Variants in VAV2 observed in about 807,000 individuals in gnomAD.
The protein encoded by VAV2 is vav guanine nucleotide exchange factor 2, also known as guanine nucleotide exchange factor VAV2.
VAV2 carries 67 observed loss-of-function variants against 132.5 expected under a neutral mutation model. The observed-to-expected ratio is 0.51, with a 90% CI of 0.42 to 0.62. The LOEUF is 0.62. Among genes scored for constraint, VAV2 ranks in the 20% least tolerant of loss-of-function variants. The pLI, the probability that VAV2 is intolerant of heterozygous loss-of-function variation, is 0.00. For synonymous variants in VAV2, 492 were observed against 443.5 expected (o/e 1.11, Z -1.37); for missense variants, 938 against 1,153.6 (o/e 0.81, Z 2.71).
rs558775800 is a variant in VAV2 at position 133,788,555 on chromosome 9, G to A, written c.1275-69C>T. On this transcript the variant is annotated intron_variant, in intron 14 of 29. Coordinates refer to ENST00000371850, the MANE Select transcript of VAV2 (RefSeq NM_001134398.2). The surrounding 1 kb of genome is among the most constrained non-coding windows in gnomAD (Gnocchi z 5.3). ...GTGCTCTGCTCCGAGGAGGCGGCAG[G>A]AGCTGAGCCTGAGGCTCTGGCACGC... 1.9e-4 allele frequency: 298 copies of A among 1,563,792 alleles called. 1 individual carries two copies. In the Middle Eastern group the frequency reaches 5.8e-3, roughly 30 times the overall value.
chr9:133,979,211 C>T (rs1179537186), intron 1 of VAV2, among the ~76,000 whole-genome samples: 2 of 152,198 alleles, frequency 1.3e-5, no homozygotes, highest in African/African-American at 4.8e-5. Context: ...TGCCAGGCAC[C>T]GGGCTGACAG....
At chr9:133,915,036 T>C (rs1259450274) in intron 2 of VAV2, among the ~76,000 whole-genome samples, 1 of 152,040 alleles carries the variant, frequency 6.6e-6, no homozygotes, top group East Asian at 1.9e-4. Flanking sequence ...GGGTGCTGTG[T>C]CTGGGAATCT....
intron 2 of VAV2, among the ~76,000 whole-genome samples, chr9:133,897,300 G>A (rs1249372376): frequency 1.3e-5 from 2 of 152,168 alleles, no homozygotes; most frequent in Non-Finnish European, 2.9e-5. Flanking sequence ...CCAGGCGGGT[G>A]CCAGCCTCAG....
At chr9:133,874,608 G>C (rs774148608) in intron 2 of VAV2, among the ~76,000 whole-genome samples, 7 of 152,134 alleles carry the variant, frequency 4.6e-5, no homozygotes, top group Non-Finnish European at 7.4e-5. Flanking sequence ...GGGGTTATGG[G>C]AACAGCACCT....
rs74690966 is a variant in VAV2, at chr9:133,884,390, G to A, written c.322-22958C>T. 7.2e-3 allele frequency among the ~76,000 whole-genome samples: 1,099 copies of A among 152,290 alleles called. 15 individuals are homozygous for A. The highest frequency in any genetic ancestry group is 0.025 in the African/African-American group (1,040 of 41,560). On this transcript the variant is annotated intron_variant, in intron 2 of 29. Coordinates refer to ENST00000371850, the MANE Select transcript of VAV2 (RefSeq NM_001134398.2). The surrounding 1 kb of genome is among the most constrained non-coding windows in gnomAD (Gnocchi z 5.3). ...TCATCAAAGCAGTGCTTCCTTAGGC[G>A]CTTGGGTGCTCACTGCAGTGGGCTG...
intron 9 of VAV2, among the ~76,000 whole-genome samples, chr9:133,798,035 C>T (rs1245083656): frequency 6.6e-6 from 1 of 152,156 alleles, no homozygotes; most frequent in Non-Finnish European, 1.5e-5. Context: ...GAGGGGGTGC[C>T]CCTGCTCTTC....
At chr9:133,812,083 G>A in intron 5 of VAV2, 31 bp downstream of exon 5, 1 of 1,604,842 alleles carries the variant, frequency 6.2e-7, no homozygotes, top group Non-Finnish European at 8.5e-7. Context: ...GGAAGGGAGG[G>A]GAAGGGAGGG....
chr9:133,905,001 G>A (rs1265240495), intron 2 of VAV2, among the ~76,000 whole-genome samples: 1 of 152,234 alleles, frequency 6.6e-6, no homozygotes, highest in African/African-American at 2.4e-5. Context: ...GGGAGAGGGT[G>A]CATCTTGTGG....
chr9:133,900,883 C>T (rs1839414943), intron 2 of VAV2, among the ~76,000 whole-genome samples: 1 of 151,944 alleles, frequency 6.6e-6, no homozygotes. Flanking sequence ...ACTGCAACCT[C>T]CGCCTCCCGG....
In VAV2 at chr9:133,883,496, G is replaced by A. The variant is rs1838581202; in HGVS notation, c.322-22064C>T. On this transcript the variant is annotated intron_variant, in intron 2 of 29. Transcript: ENST00000371850. The surrounding 1 kb of genome is among the most constrained non-coding windows in gnomAD (Gnocchi z 4.2). ...GTCGGAACATGTTGAAACAATGAGG[G>A]GATAGAACAACCACTCACCCTGCAG... Among the ~76,000 whole-genome samples, 1 of 151,900 alleles carries A rather than the reference G, an allele frequency of 6.6e-6. No individual in the cohort carries two copies. The highest frequency in any genetic ancestry group is 2.1e-4 in the South Asian group (1 of 4,816).
intron 2 of VAV2, among the ~76,000 whole-genome samples, chr9:133,937,078 A>AT (rs1255228859): frequency 6.6e-6 from 1 of 152,242 alleles, no homozygotes; most frequent in Non-Finnish European, 1.5e-5. Flanking sequence ...TTATATACTG[A>AT]ATACGCTGCA....
At chr9:133,828,647 C>T (rs942566946) in intron 4 of VAV2, among the ~76,000 whole-genome samples, 11 of 152,240 alleles carry the variant, frequency 7.2e-5, no homozygotes, top group Non-Finnish European at 1.3e-4. Flanking sequence ...GCAGGCATTT[C>T]GACGTGGGCC....
intron 1 of VAV2, among the ~76,000 whole-genome samples, chr9:133,982,299 G>A (rs1041030287): frequency 7.9e-5 from 12 of 152,218 alleles, no homozygotes; most frequent in Non-Finnish European, 1.5e-4. Flanking sequence ...TCCAGGGCAG[G>A]AGCACCAAAC....
At chr9:133,947,917 G>A (rs1244709195) in intron 1 of VAV2, among the ~76,000 whole-genome samples, 1 of 151,888 alleles carries the variant, frequency 6.6e-6, no homozygotes, top group Non-Finnish European at 1.5e-5. Flanking sequence ...AGCCTCCCGA[G>A]CAGCTGGGAC....
intron 3 of VAV2, among the ~76,000 whole-genome samples, chr9:133,843,809 C>T (rs778664968): frequency 3.2e-4 from 49 of 152,266 alleles, no homozygotes; most frequent in Middle Eastern, 6.8e-3. Flanking sequence ...CCCGGTGTGG[C>T]CACCAGGGTC....
At chr9:133,982,086 G>T (rs368167077) in intron 1 of VAV2, among the ~76,000 whole-genome samples, 1 of 152,224 alleles carries the variant, frequency 6.6e-6, no homozygotes, top group African/African-American at 2.4e-5. Flanking sequence ...ACTCGAGCAG[G>T]CCTGGGGGCA....
At chr9:133,783,405 G>A (rs573172024) in intron 19 of VAV2, 98 bp downstream of exon 19, 47 of 1,212,046 alleles carry the variant, frequency 3.9e-5, no homozygotes, top group South Asian at 7.3e-5. Context: ...TCGCTGCCCC[G>A]TGGGAGATGG....
In VAV2 at chr9:133,768,051, G is replaced by A. The variant is rs2131561263; in HGVS notation, c.2589+391C>T. Among the ~76,000 whole-genome samples the A allele has an allele frequency of 6.6e-6, 1 of 152,154 alleles. No homozygotes were observed. Among genetic ancestry groups the A allele is most frequent in the South Asian group, 2.1e-4 (1 of 4,820 alleles). On this transcript the variant is annotated intron_variant, in intron 29 of 29. Transcript: ENST00000371850. The surrounding 1 kb of genome is among the most constrained non-coding windows in gnomAD (Gnocchi z 5.3). ...CTTAGAAAATGGCAGGAGGAGCCCA[G>A]CAAGGACACCGTGTCCTCCTCAGTC...
At chr9:133,914,682 T>G (rs1030753689) in intron 2 of VAV2, among the ~76,000 whole-genome samples, 4 of 8,728 alleles carry the variant, frequency 4.6e-4, no homozygotes, top group Admixed American at 1.4e-3. Context: ...AAGCAAGGGA[T>G]GGGGGAGGGA....
Sources: gnomAD v4.1 joint callset for allele counts (sites outside exome capture counted in the v4.1 genomes callset) on GRCh38, gnomAD v4.1.1 for gene constraint, Gnocchi (gnomAD v3.1) non-coding constraint, MANE v1.5 for transcripts, NCBI Gene and HGNC (gene_info 2026-07-23, HGNC 2026-07-21) for gene names.